Variants in TAL1 observed in about 807,000 individuals in gnomAD.
TAL1 encodes the protein T-cell acute lymphocytic leukemia protein 1.
A neutral mutation model predicts 17.9 loss-of-function variants in TAL1; 8 were observed. The ratio of observed to expected loss-of-function variants is 0.45; its 90% confidence interval spans 0.26 to 0.81. The LOEUF (loss-of-function observed/expected upper bound fraction) is 0.81, where lower values mean the gene tolerates loss of function less well. Among genes scored for constraint, TAL1 ranks in the 30% least tolerant of loss-of-function variants. The pLI is 0.17. For synonymous variants in TAL1, 223 were observed against 218.6 expected (o/e 1.02, Z -0.18); for missense variants, 466 against 486.9 (o/e 0.96, Z 0.40).
chr1:47,217,673 T>A, exon 4 of TAL1: 1 of 398,602 alleles, frequency 2.5e-6, no homozygotes, highest in East Asian at 3.6e-5. Flanking sequence ...ACATGGCAAG[T>A]CTGAAAGAAG....
exon 4 of TAL1, chr1:47,220,074 G>A (rs751120312): frequency 6.2e-7 from 1 of 1,613,904 alleles, no homozygotes; most frequent in Non-Finnish European, 8.5e-7. Context: ...GATGTGTGGG[G>A]ATCAGCTTGC....
Position 47,225,703 on chromosome 1 carries a change from G to GC in TAL1, c.185dup (p.Gly63ArgfsTer113). The GC allele has an allele frequency of 6.2e-6, 9 of 1,442,138 alleles. No individual in the cohort carries two copies. The highest frequency in any genetic ancestry group is 2.5e-4 in the Middle Eastern group (1 of 4,080). 89.3% of individuals were successfully genotyped at this position (1,442,138 alleles called of 1,614,324 possible). ...CGGCGCCGCCCCCACCGGCAGGGCC[G>GC]CCCCCCGGGCCTCCGCGCGCGCCCA... On this transcript the variant is annotated frameshift_variant, in exon 2 of 4. Coordinates refer to ENST00000294339, the Ensembl canonical transcript of TAL1. LOFTEE classifies it high-confidence loss of function.
At chr1:47,225,790 C>T in exon 2 of TAL1, 1 of 1,564,266 alleles carries the variant, frequency 6.4e-7, no homozygotes, top group Middle Eastern at 1.8e-4. Flanking sequence ...CGCCGTTCAG[C>T]AGGACCAGGT....
chr1:47,224,817 G>T (rs933131159), intron 2 of TAL1, among the ~76,000 whole-genome samples: 1 of 152,128 alleles, frequency 6.6e-6, no homozygotes. Flanking sequence ...TCACAGTAGC[G>T]CCAGCAGGGA....
chr1:47,232,276 C>A (rs1374593873), upstream of TAL1: 4 of 164,694 alleles, frequency 2.4e-5, no homozygotes, highest in African/African-American at 9.6e-5. Context: ...CGCGCCCGCC[C>A]GGCCCCTCCA....
chr1:47,225,395 G>T, intron 2 of TAL1, 48 bp downstream of exon 3: 3 of 1,221,044 alleles, frequency 2.5e-6, no homozygotes, highest in Non-Finnish European at 3.1e-6. Context: ...GGGGGTGGTC[G>T]CCCTGCCCAC....
rs743269 is a variant in TAL1 at position 47,225,705 on chromosome 1, C to G, written c.184G>C (p.Gly62Arg). ...GCGCCGCCCCCACCGGCAGGGCCGC[C>G]CCCCGGGCCTCCGCGCGCGCCCAGT... The change falls in exon 2 of 4, where the codon GGC (glycine) becomes CGC (arginine). Residue 62 changes from glycine (G) to arginine (R), a missense_variant. Physicochemically the swap from Gly to Arg is moderately radical, Grantham distance 125 (BLOSUM62 -2). Around this residue, in one of 5 missense-constraint regions of TAL1, gnomAD observed 130 missense variants for 119.5 expected, o/e 1.09. Transcript: ENST00000294339. 4.0e-4 allele frequency: 579 copies of G among 1,449,006 alleles called. 1 individual carries two copies. The East Asian group carries it at 0.01, about 25-fold the overall frequency. The allele number at this position is 1,449,006 out of a possible 1,614,324, so 89.8% of individuals were successfully genotyped here. A position where few individuals can be genotyped will look rare whatever the true frequency, so the allele number is the denominator to read the frequency against.
At chr1:47,217,217 CA>C (rs36017365) in exon 4 of TAL1, 7,554 of 235,728 alleles carry the variant, frequency 0.032, no homozygotes, top group East Asian at 0.14. Flanking sequence ...CCATCTCTAC[CA>C]AAAAAAAAAA....
At chr1:47,231,554 G>A (rs1569941206), upstream of TAL1, 1 of 234,000 alleles carries the variant, frequency 4.3e-6, no homozygotes, top group Admixed American at 5.6e-5. Flanking sequence ...GTCAAACGCA[G>A]CGGCTCACGG....
At chr1:47,229,154 C>G in intron 1 of TAL1, 42 bp downstream of exon 2, 1 of 172,376 alleles carries the variant, frequency 5.8e-6, no homozygotes, top group Non-Finnish European at 1.3e-5. Flanking sequence ...CAAGGCCTTC[C>G]TAGACACCGT....
chr1:47,231,921 A>G (rs574459606), upstream of TAL1, among the ~76,000 whole-genome samples: 15 of 152,122 alleles, frequency 9.9e-5, no homozygotes, highest in South Asian at 1.0e-3. Context: ...GCATTTCTGT[A>G]TATTGCGTAA....
Position 47,223,984 on chromosome 1 carries a change from G to C in TAL1, c.541+20C>G. ...ACCAGCGTGAGGGGCAGGTACAACG[G>C]TGGGGTGGGGCAGACTCACCATCAG... is the stretch of plus-strand genomic sequence containing the variant. On this transcript the variant is annotated intron_variant, in intron 3 of 3. Coordinates refer to ENST00000294339, the Ensembl canonical transcript of TAL1. 6.2e-7 allele frequency: 1 copy of C among 1,609,948 alleles called. No individual in the cohort carries two copies. The highest frequency in any genetic ancestry group is 1.7e-5 in the Admixed American group (1 of 60,010).
exon 4 of TAL1, chr1:47,217,387 T>TCA (rs143131127): frequency 0.073 from 25,108 of 344,318 alleles, 1,300 homozygotes; most frequent in African/African-American, 0.23. Flanking sequence ...ACACCGTCTC[T>TCA]CACACACACA....
intron 1 of TAL1, chr1:47,228,158 A>T (rs1287738749): frequency 6.1e-6 from 1 of 162,972 alleles, no homozygotes; most frequent in Non-Finnish European, 1.3e-5. Context: ...GTTCCTTGTA[A>T]GAAATATATG....
chr1:47,224,403 AACACACACAC>A (rs3835389), intron 2 of TAL1, among the ~76,000 whole-genome samples: 1 of 148,616 alleles, frequency 6.7e-6, no homozygotes, highest in African/African-American at 2.5e-5. Context: ...CACAAAAATG[AACACACACAC>A]ACACACACAC....
chr1:47,218,226 A>C (rs1645538667), exon 4 of TAL1: 2 of 233,712 alleles, frequency 8.6e-6, no homozygotes, highest in Admixed American at 5.6e-5. Flanking sequence ...GGGTACAATG[A>C]CAGACATACA....
intron 3 of TAL1, among the ~76,000 whole-genome samples, chr1:47,221,675 C>G (rs1036407200): frequency 6.6e-6 from 1 of 152,182 alleles, no homozygotes; most frequent in Non-Finnish European, 1.5e-5. Context: ...GGAACCAGAC[C>G]TCAGAGTGTG....
exon 4 of TAL1, chr1:47,220,126 C>G (rs1400226554): frequency 6.3e-7 from 1 of 1,599,672 alleles, no homozygotes; most frequent in Non-Finnish European, 8.5e-7. Flanking sequence ...CTGCCGCCAT[C>G]GCTCCCGGCT....
intron 1 of TAL1, among the ~76,000 whole-genome samples, chr1:47,226,862 T>C (rs1643920168): frequency 6.6e-6 from 1 of 152,216 alleles, no homozygotes; most frequent in Non-Finnish European, 1.5e-5. Flanking sequence ...CCTTGAACTC[T>C]TCCAGCCCCC....
Sources: allele counts gnomAD v4.1 joint callset (sites outside exome capture counted in the v4.1 genomes callset), GRCh38; gene constraint gnomAD v4.1.1; regional missense constraint gnomAD v4.1.1; transcripts MANE v1.5; gene names NCBI Gene and HGNC (gene_info 2026-07-23, HGNC 2026-07-21).